The following FAM216A variants were observed in gnomAD, a reference collection of about 807,000 sequenced individuals.
FAM216A encodes the protein family with sequence similarity 216 member A, also known as protein FAM216A.
FAM216A carries 26 observed loss-of-function variants against 37.6 expected under a neutral mutation model. The ratio of observed to expected loss-of-function variants is 0.69; its 90% CI spans 0.51 to 0.96. The LOEUF is 0.96. Ranked by LOEUF, FAM216A falls within the 40% of genes least tolerant of loss-of-function variation. The pLI is 0.00. For synonymous variants in FAM216A, 110 were observed against 121.7 expected, an observed-to-expected ratio of 0.90 and a Z score of 0.64; for missense variants, 326 against 339.3, an observed-to-expected ratio of 0.96 and a Z score of 0.31.
At chr12:110,478,779 TCA>T (rs199928060) in intron 2 of FAM216A, among the ~76,000 whole-genome samples, 2,915 of 152,276 alleles carry the variant, frequency 0.019, 41 homozygotes, top group Non-Finnish European at 0.029. Context: ...CATGTTATAC[TCA>T]GTCTTTTGAG....
chr12:110,468,997 G>A lies in FAM216A; in HGVS notation c.122G>A (p.Gly41Glu), dbSNP rs1339110527. ...TCTGCAGAGCCGCCCGCTGTGGCCG[G>A]GACCGAGGGTGGCGGCGGCGGGTGA... ...SSSAEPPAVA[G>E]TEGGGGGSAG... Residue 41 changes from glycine to glutamate, a missense_variant, in exon 1 of 7, where the codon GGG becomes GAG. Physicochemically the swap from Gly to Glu is moderately conservative, Grantham distance 98. Transcript: ENST00000377673. The A allele has an allele frequency of 1.3e-6, 2 of 1,489,936 alleles. No homozygotes were observed. The highest frequency in any genetic ancestry group is 1.8e-6 in the Non-Finnish European group (2 of 1,121,282). The allele number at this position is 1,489,936 out of a possible 1,614,324, so 92.3% of individuals were successfully genotyped here.
At chr12:110,469,375 G>A in intron 1 of FAM216A, 1 of 240,228 alleles carries the variant, frequency 4.2e-6, no homozygotes, top group Non-Finnish European at 8.0e-6. Flanking sequence ...CGAAAGGCGA[G>A]GCGGGAGGGA....
chr12:110,489,117 G>A (rs1336731801), intron 6 of FAM216A, among the ~76,000 whole-genome samples: 10 of 152,200 alleles, frequency 6.6e-5, no homozygotes, highest in Non-Finnish European at 1.5e-4. Context: ...AAGACAGACC[G>A]AATGATCAGA....
chr12:110,488,562 T>C (rs909833374), intron 6 of FAM216A, among the ~76,000 whole-genome samples: 4 of 152,088 alleles, frequency 2.6e-5, no homozygotes, highest in African/African-American at 9.7e-5. Context: ...ACCACAAACA[T>C]GACCTTCTCA....
intron 2 of FAM216A, 79 bp downstream of exon 2, chr12:110,473,197 C>A: frequency 2.8e-6 from 2 of 716,336 alleles, no homozygotes; most frequent in Non-Finnish European, 4.6e-6. Flanking sequence ...ACTACTTACA[C>A]AATAGAGTTT....
At chr12:110,473,760 A>G (rs1464032326) in intron 2 of FAM216A, among the ~76,000 whole-genome samples, 1 of 152,242 alleles carries the variant, frequency 6.6e-6, no homozygotes, top group African/African-American at 2.4e-5. Context: ...GCTTCAAAGA[A>G]TACAAAATAT....
intron 1 of FAM216A, among the ~76,000 whole-genome samples, chr12:110,469,736 C>T (rs897405275): frequency 5.3e-5 from 8 of 151,986 alleles, no homozygotes; most frequent in Non-Finnish European, 7.4e-5. Context: ...TGTCGAACCC[C>T]TGACCTCAAG....
chr12:110,486,756 G>C, intron 5 of FAM216A, 39 bp downstream of exon 5: 2 of 1,556,696 alleles, frequency 1.3e-6, no homozygotes, highest in Non-Finnish European at 1.7e-6. Flanking sequence ...ATGCATCTCA[G>C]TTTAATTTTT....
intron 6 of FAM216A, among the ~76,000 whole-genome samples, chr12:110,489,814 G>A (rs980464882): frequency 1.3e-5 from 2 of 152,160 alleles, no homozygotes; most frequent in African/African-American, 4.8e-5. Context: ...AAGAGAATTT[G>A]CTGTACAGTA....
At chr12:110,485,779 T>C (rs2062773699) in intron 3 of FAM216A, among the ~76,000 whole-genome samples, 1 of 152,188 alleles carries the variant, frequency 6.6e-6, no homozygotes. Context: ...AAATCTTGTA[T>C]ATATAGTGGA....
chr12:110,479,016 C>T (rs555033940), intron 2 of FAM216A, among the ~76,000 whole-genome samples: 5 of 152,024 alleles, frequency 3.3e-5, no homozygotes, highest in African/African-American at 4.8e-5. Flanking sequence ...GTGAAACCCC[C>T]GTCTCTACTA....
rs192591004 is a variant in FAM216A, at chr12:110,480,024, A to G, written c.185-5054A>G. The stretch of plus-strand genomic sequence containing the variant: ...TACATAATATAAAATTTACTATTTT[A>G]ATCTTTTTTTTTTTCTTTGAGATGG... On this transcript the variant is annotated intron_variant, in intron 2 of 6. Transcript: ENST00000377673. Among the ~76,000 whole-genome samples the G allele has an allele frequency of 2.1e-3, 303 of 146,182 alleles. 2 individuals carry two copies. Among genetic ancestry groups the G allele is most frequent in the Admixed American group, 9.9e-3 (148 of 14,934 alleles).
intron 2 of FAM216A, among the ~76,000 whole-genome samples, chr12:110,479,022 T>C (rs1044614432): frequency 6.6e-6 from 1 of 151,968 alleles, no homozygotes; most frequent in African/African-American, 2.4e-5. Context: ...CCCCCGTCTC[T>C]ACTAAAAATA....
chr12:110,474,687 GTC>G (rs2062705407), intron 2 of FAM216A, among the ~76,000 whole-genome samples: 2 of 80,444 alleles, frequency 2.5e-5, no homozygotes. Context: ...GCGAGACTCT[GTC>G]TCAAAAAAAA....
intron 2 of FAM216A, among the ~76,000 whole-genome samples, chr12:110,480,241 T>C (rs1296634861): frequency 1.5e-5 from 2 of 135,032 alleles, no homozygotes; most frequent in Non-Finnish European, 1.5e-5. Flanking sequence ...TCTCACTCTG[T>C]TGCCCAGTCC....
intron 2 of FAM216A, among the ~76,000 whole-genome samples, chr12:110,481,166 C>A (rs1279285797): frequency 2.0e-5 from 3 of 151,946 alleles, no homozygotes; most frequent in Non-Finnish European, 4.4e-5. Flanking sequence ...ATATATTCAC[C>A]TGTTGATGGA....
upstream of FAM216A, chr12:110,468,464 T>A: frequency 1.3e-6 from 2 of 1,537,096 alleles, no homozygotes; most frequent in East Asian, 4.9e-5. Context: ...CTGTCTAAGC[T>A]TGGATACCTG....
At chr12:110,486,788 G>A (rs1278748316) in intron 5 of FAM216A, 71 bp downstream of exon 5, 5 of 1,373,000 alleles carry the variant, frequency 3.6e-6, no homozygotes, top group African/African-American at 2.9e-5. Flanking sequence ...ACAGGGTTTT[G>A]TTCTCTCACC....
At chr12:110,472,350 G>A (rs2062691292) in intron 1 of FAM216A, among the ~76,000 whole-genome samples, 3 of 152,090 alleles carry the variant, frequency 2.0e-5, no homozygotes, top group Admixed American at 2.0e-4. Flanking sequence ...ACTTTATTGA[G>A]CTCACTGTAG....
Sources: gnomAD v4.1 joint callset for allele counts (sites outside exome capture counted in the v4.1 genomes callset) on GRCh38, gnomAD v4.1.1 for gene constraint, MANE v1.5 for transcripts, NCBI Gene and HGNC (gene_info 2026-07-23, HGNC 2026-07-21) for gene names.